SAMTOR: variants seen among roughly 807,000 people sequenced by gnomAD.
SAMTOR encodes the protein UPF0532 protein C7orf60.
the SAMTOR span, among the ~76,000 whole-genome samples, chr7:112,822,903 C>T: frequency 3.9e-5 from 6 of 152,086 alleles, no homozygotes; most frequent in East Asian, 9.7e-4. Context: ...CTCAACATTA[C>T]TTTTATTCTA....
the SAMTOR span, among the ~76,000 whole-genome samples, chr7:112,882,641 A>C: frequency 6.6e-6 from 1 of 152,134 alleles, no homozygotes; most frequent in East Asian, 1.9e-4. Flanking sequence ...GTGAGCTGAG[A>C]TCAAGCCACT....
At chr7:112,844,899 G>A in the SAMTOR span, among the ~76,000 whole-genome samples, 2 of 151,930 alleles carry the variant, frequency 1.3e-5, no homozygotes, top group Non-Finnish European at 2.9e-5. Context: ...GTAGACAGAC[G>A]CATAGACCAA....
the SAMTOR span, among the ~76,000 whole-genome samples, chr7:112,907,971 A>C: frequency 3.3e-5 from 5 of 152,110 alleles, no homozygotes; most frequent in Non-Finnish European, 5.9e-5. Context: ...CATTCCTGCA[A>C]TTCCACACCT....
chr7:112,819,631 AG>A, the SAMTOR span: 9 of 152,586 alleles, frequency 5.9e-5, no homozygotes, highest in African/African-American at 2.2e-4. Flanking sequence ...ACTAAGTGGT[AG>A]TAGGTTTTAT....
the SAMTOR span, among the ~76,000 whole-genome samples, chr7:112,913,987 G>A: frequency 6.6e-6 from 1 of 152,160 alleles, no homozygotes; most frequent in Non-Finnish European, 1.5e-5. Flanking sequence ...ATGAGAGCAA[G>A]GATTTTGTGA....
chr7:112,851,600 C>T, the SAMTOR span, among the ~76,000 whole-genome samples: 1 of 151,960 alleles, frequency 6.6e-6, no homozygotes, highest in Admixed American at 6.6e-5. Flanking sequence ...CCAGGGAAAA[C>T]TCTTCTGGAG....
At chr7:112,896,194 C>A in the SAMTOR span, among the ~76,000 whole-genome samples, 1 of 151,570 alleles carries the variant, frequency 6.6e-6, no homozygotes, top group African/African-American at 2.4e-5. Context: ...AGTGTGCGTG[C>A]ACGCGCGCAC....
chr7:112,828,484 A>G, the SAMTOR span, among the ~76,000 whole-genome samples: 1 of 152,124 alleles, frequency 6.6e-6, no homozygotes, highest in Non-Finnish European at 1.5e-5. Flanking sequence ...TCTCCTTTTT[A>G]TAAGTATACC....
chr7:112,842,089 T>G, the SAMTOR span, among the ~76,000 whole-genome samples: 1 of 152,022 alleles, frequency 6.6e-6, no homozygotes, highest in South Asian at 2.1e-4. Context: ...TTAGTAATGA[T>G]TTTTACTATA....
At chr7:112,936,046 T>C in the SAMTOR span, among the ~76,000 whole-genome samples, 12 of 152,228 alleles carry the variant, frequency 7.9e-5, no homozygotes, top group Middle Eastern at 3.2e-3. Flanking sequence ...ATAACTCTTA[T>C]ACATTTAAAA....
At chr7:112,902,417 A>G in the SAMTOR span, among the ~76,000 whole-genome samples, 5 of 70,784 alleles carry the variant, frequency 7.1e-5, 1 homozygote, top group African/African-American at 3.0e-4. Flanking sequence ...ACTCCGTCTC[A>G]AAAAAAAAAA....
the SAMTOR span, among the ~76,000 whole-genome samples, chr7:112,851,813 T>A: frequency 1.6e-4 from 25 of 151,842 alleles, no homozygotes; most frequent in African/African-American, 5.8e-4. Context: ...ACAAGAAAAA[T>A]AACAATCCCA....
chr7:112,936,079 C>A, the SAMTOR span, among the ~76,000 whole-genome samples: 1 of 152,034 alleles, frequency 6.6e-6, no homozygotes. Context: ...ACATGGAGGT[C>A]AAATTTTAAA....
chr7:112,877,972 T>C, the SAMTOR span, among the ~76,000 whole-genome samples: 8 of 152,298 alleles, frequency 5.3e-5, no homozygotes, highest in African/African-American at 1.7e-4. Context: ...ATAAGCCAAT[T>C]AAACCTCTTT....
the SAMTOR span, chr7:112,915,340 A>C: frequency 2.5e-6 from 4 of 1,613,012 alleles, no homozygotes; most frequent in Non-Finnish European, 3.4e-6. Context: ...TCGCCCTCAC[A>C]AGTTTTTGCC....
At chr7:112,872,529 G>A in the SAMTOR span, among the ~76,000 whole-genome samples, 1 of 151,864 alleles carries the variant, frequency 6.6e-6, no homozygotes, top group Non-Finnish European at 1.5e-5. Context: ...ACTGGCAAAA[G>A]CTGGTAGCAT....
chr7:112,922,354 T>C, the SAMTOR span, among the ~76,000 whole-genome samples: 5 of 152,172 alleles, frequency 3.3e-5, no homozygotes, highest in East Asian at 9.7e-4. Context: ...AGTGCCGAGA[T>C]TGCAGCCTCT....
the SAMTOR span, among the ~76,000 whole-genome samples, chr7:112,863,118 C>T: frequency 9.9e-5 from 15 of 151,864 alleles, no homozygotes; most frequent in Admixed American, 2.0e-4. Context: ...TAGAGAATCC[C>T]GAAATAAGAT....
the SAMTOR span, among the ~76,000 whole-genome samples, chr7:112,906,369 G>C: frequency 6.6e-6 from 1 of 152,100 alleles, no homozygotes; most frequent in Non-Finnish European, 1.5e-5. Context: ...TTCCACTGTT[G>C]ATGGAGATGT....
Sources: allele counts gnomAD v4.1 joint callset (sites outside exome capture counted in the v4.1 genomes callset), GRCh38; gene constraint gnomAD v4.1.1; transcripts MANE v1.5; gene names NCBI Gene and HGNC (gene_info 2026-07-23, HGNC 2026-07-21).